CUX1: variants seen among roughly 807,000 people sequenced by gnomAD.
CUX1 encodes protein CASP.
Under a neutral mutation model 158.8 loss-of-function variants are expected in CUX1, and 31 were observed. That is an observed-to-expected ratio of 0.20 (90% CI 0.15 to 0.26). The LOEUF is 0.26. Ranked by LOEUF, CUX1 falls within the 10% of genes least tolerant of loss-of-function variation. CUX1 has a pLI of 1.00. For missense variants in CUX1, 1,589 were observed against 2,014.6 expected, an observed-to-expected ratio of 0.79 and a Z score of 4.04; for synonymous variants, 879 against 862.1, an observed-to-expected ratio of 1.02 and a Z score of -0.34.
intron 2 of CUX1, among the ~76,000 whole-genome samples, chr7:101,984,478 G>A (rs547644583): frequency 1.0e-4 from 15 of 145,408 alleles, no homozygotes; most frequent in African/African-American, 3.3e-4. Flanking sequence ...ATTTTTGAAC[G>A]CTCAGATTGT....
intron 10 of CUX1, among the ~76,000 whole-genome samples, chr7:102,175,106 T>C: frequency 6.6e-6 from 1 of 152,342 alleles, no homozygotes; most frequent in African/African-American, 2.4e-5. Flanking sequence ...GTGGCTTGAG[T>C]TGCTGGGAGT....
chr7:102,283,276 C>T (rs1056969850), exon 23 of CUX1: 46 of 611,206 alleles, frequency 7.5e-5, no homozygotes, highest in African/African-American at 1.8e-4. Context: ...ACATCAGGCC[C>T]GCTAGGTCCA....
chr7:102,086,421 A>G (rs1554480521), intron 4 of CUX1, among the ~76,000 whole-genome samples: 1 of 152,062 alleles, frequency 6.6e-6, no homozygotes, highest in East Asian at 1.9e-4. Flanking sequence ...GAATTTATCA[A>G]AAGTTGTTTT....
intron 5 of CUX1, among the ~76,000 whole-genome samples, chr7:102,098,733 C>T (rs1329536415): frequency 6.6e-6 from 1 of 151,198 alleles, no homozygotes; most frequent in African/African-American, 2.4e-5. Context: ...CTCTGCCTCC[C>T]GGGTTCACGC....
Position 101,875,095 on chromosome 7 carries a change from T to A in CUX1, c.31-41020T>A, listed in dbSNP as rs758959345. 2.2e-4 allele frequency among the ~76,000 whole-genome samples: 33 copies of A among 152,280 alleles called. No individual in the cohort carries two copies. In the Middle Eastern group the frequency reaches 0.014, roughly 63 times the overall value. ...GCTCCTTGTCCACTTGGGGGGCATG[T>A]CTCAGTGTCTTGCCTGGGGCCTTGT... On this transcript the variant is annotated intron_variant, in intron 1 of 23. Coordinates refer to ENST00000292535, the MANE Select transcript of CUX1 (RefSeq NM_181552.4).
At position 102,237,423 on chromosome 7, in the gene CUX1, A is replaced by G. The variant is rs2132471632; in HGVS notation, c.3623-1897A>G. Among the ~76,000 whole-genome samples, 3 of 152,094 alleles carry G rather than the reference A, an allele frequency of 2.0e-5. 1 individual carries two copies. Among genetic ancestry groups the G allele is most frequent in the South Asian group, 4.2e-4 (2 of 4,806 alleles). ...CCCAGCTACCCGAGTAGCTGGGACT[A>G]CAGGTGCACGCCACCACACTGGCTA... On this transcript the variant is annotated intron_variant, in intron 22 of 23. Transcript: ENST00000292535.
intron 3 of CUX1, among the ~76,000 whole-genome samples, chr7:102,032,082 T>G (rs1184306532): frequency 6.6e-6 from 1 of 151,914 alleles, no homozygotes; most frequent in Admixed American, 6.6e-5. Context: ...CTTGCCACCA[T>G]GCCTGCCTAA....
intron 14 of CUX1, among the ~76,000 whole-genome samples, chr7:102,268,660 T>A (rs1790981443): frequency 6.6e-6 from 1 of 152,192 alleles, no homozygotes. Context: ...GGGGTTTCTT[T>A]GGCTCATGGT....
At chr7:101,913,887 G>T (rs544602960) in intron 1 of CUX1, among the ~76,000 whole-genome samples, 1 of 151,634 alleles carries the variant, frequency 6.6e-6, no homozygotes, top group Non-Finnish European at 1.5e-5. Flanking sequence ...TTTCTTCCCC[G>T]CCTTCTTTCG....
intron 3 of CUX1, among the ~76,000 whole-genome samples, chr7:102,069,968 G>A (rs1455650189): frequency 6.6e-6 from 1 of 152,128 alleles, no homozygotes; most frequent in Non-Finnish European, 1.5e-5. Flanking sequence ...GCTTCTGGGG[G>A]TAGGAACTGT....
rs1053198357 is a variant in CUX1, at chr7:102,251,697, C to T, written c.*2655C>T. 2.6e-5 allele frequency: 26 copies of T among 985,252 alleles called. No individual in the cohort carries two copies. The highest frequency in any genetic ancestry group is 3.5e-5 in the African/African-American group (2 of 57,204). 61.0% of individuals were successfully genotyped at this position (985,252 alleles called of 1,614,324 possible). On this transcript the variant is annotated 3_prime_UTR_variant, in exon 24 of 24. Coordinates refer to ENST00000292535, the MANE Select transcript of CUX1 (RefSeq NM_181552.4). ...AGGACAGTGAGTGGCAGAGCCCTGACGACTGTGGTGTCCTCTCCACAAAAC... is the reference window on the plus strand; with the variant it reads ...AGGACAGTGAGTGGCAGAGCCCTGATGACTGTGGTGTCCTCTCCACAAAAC...
intron 1 of CUX1, among the ~76,000 whole-genome samples, chr7:101,893,606 G>A (rs4729759): frequency 0.21 from 31,760 of 152,080 alleles, 5,040 homozygotes; most frequent in East Asian, 0.84. Flanking sequence ...ACGTAGAGAA[G>A]TGGACAGACC....
chr7:101,853,094 C>T (rs1204871047), intron 1 of CUX1, among the ~76,000 whole-genome samples: 1 of 152,180 alleles, frequency 6.6e-6, no homozygotes, highest in Non-Finnish European at 1.5e-5. Flanking sequence ...CAGGAACCCT[C>T]CACCCAACCC....
At chr7:101,882,546 AGCCGGGGT>A (rs1183682219) in intron 1 of CUX1, among the ~76,000 whole-genome samples, 1 of 152,214 alleles carries the variant, frequency 6.6e-6, no homozygotes, top group Admixed American at 6.5e-5. Context: ...ACAGAAATAA[AGCCGGGGT>A]GCTGTTCTTG....
At chr7:101,830,439 G>A (rs1374255416) in intron 1 of CUX1, among the ~76,000 whole-genome samples, 1 of 152,118 alleles carries the variant, frequency 6.6e-6, no homozygotes, top group Non-Finnish European at 1.5e-5. Flanking sequence ...TGAGGTTTTG[G>A]GCCACTCTGG....
chr7:101,927,130 G>C (rs1805680603), intron 2 of CUX1, among the ~76,000 whole-genome samples: 1 of 142,404 alleles, frequency 7.0e-6, no homozygotes, highest in South Asian at 2.3e-4. Context: ...ATGACTTTTT[G>C]TATCACCTGT....
Position 102,255,436 on chromosome 7 carries a change from C to G in CUX1, c.*6394C>G. 1.0e-6 allele frequency: 1 copy of G among 984,340 alleles called. No individual in the cohort carries two copies. Among genetic ancestry groups the G allele is most frequent in the Non-Finnish European group, 1.2e-6 (1 of 829,804 alleles). 61.0% of individuals were successfully genotyped at this position (984,340 alleles called of 1,614,324 possible). A position where few individuals can be genotyped will look rare whatever the true frequency, so the allele number is the denominator to read the frequency against. On this transcript the variant is annotated 3_prime_UTR_variant, in exon 24 of 24. Coordinates refer to ENST00000292535, the MANE Select transcript of CUX1 (RefSeq NM_181552.4). ...AGGCTGGCGAGAGAAAGACATTTGG[C>G]TATGCATAAATGTGCACTTCCCCCA...
At chr7:101,955,656 C>T (rs2129165842) in intron 2 of CUX1, among the ~76,000 whole-genome samples, 1 of 152,342 alleles carries the variant, frequency 6.6e-6, no homozygotes, top group South Asian at 2.1e-4. Context: ...GTCTTTCTGG[C>T]TGGCTGTGTC....
chr7:101,834,806 C>T (rs77982188), intron 1 of CUX1, among the ~76,000 whole-genome samples: 1,755 of 152,150 alleles, frequency 0.012, 39 homozygotes, highest in African/African-American at 0.04. Flanking sequence ...TGAGATCAGC[C>T]TGGCCAACAT....
Sources: gnomAD v4.1 joint callset for allele counts (sites outside exome capture counted in the v4.1 genomes callset) on GRCh38, gnomAD v4.1.1 for gene constraint, MANE v1.5 for transcripts, NCBI Gene and HGNC (gene_info 2026-07-23, HGNC 2026-07-21) for gene names.